ORC2: variants seen among roughly 807,000 people sequenced by gnomAD.
ORC2 encodes origin recognition complex subunit 2, also known as origin recognition complex protein 2 homolog.
In ORC2, 37 loss-of-function variants were observed where a neutral mutation model predicts 77.7. The observed-to-expected ratio is 0.48, with a 90% confidence interval of 0.37 to 0.63. ORC2 has a LOEUF of 0.63. Ranked by LOEUF, ORC2 falls within the 20% of genes least tolerant of loss-of-function variation. ORC2 has a pLI of 0.00. For missense variants in ORC2, 557 were observed against 661.9 expected, an observed-to-expected ratio of 0.84 and a Z score of 1.74; for synonymous variants, 201 against 229.5, an observed-to-expected ratio of 0.88 and a Z score of 1.12.
At chr2:200,911,931 C>G (rs1010867784) in intron 17 of ORC2, among the ~76,000 whole-genome samples, 5 of 152,162 alleles carry the variant, frequency 3.3e-5, no homozygotes, top group African/African-American at 9.7e-5. Flanking sequence ...TTGCTTAGAC[C>G]ATCAGGAATT....
At chr2:200,928,916 T>G (rs1384754241) in intron 11 of ORC2, among the ~76,000 whole-genome samples, 2 of 152,126 alleles carry the variant, frequency 1.3e-5, no homozygotes, top group African/African-American at 4.8e-5. Flanking sequence ...AAGGCCTTGT[T>G]AAGTCATACT....
rs72929026 is a variant in ORC2 at position 200,943,758 on chromosome 2, T to G, written c.329-981A>C. 2.7e-3 allele frequency among the ~76,000 whole-genome samples: 407 copies of G among 152,220 alleles called. 1 individual carries two copies. Among genetic ancestry groups the G allele is most frequent in the African/African-American group, 9.0e-3 (375 of 41,542 alleles). On this transcript the variant is annotated intron_variant, in intron 5 of 17. Coordinates refer to ENST00000234296, the MANE Select transcript of ORC2 (RefSeq NM_006190.5). ...AATCTCTACAAATGAATTGGCTGCT[T>G]CTTCTTCCTTAATCCCTTCGGTCTT...
In ORC2 at chr2:200,932,334, CT is replaced by C. The variant is rs869076427; in HGVS notation, c.808-887del. Among the ~76,000 whole-genome samples, 921 of 120,182 alleles carry C rather than the reference CT, an allele frequency of 7.7e-3. 1 individual carries two copies. Among genetic ancestry groups the C allele is most frequent in the African/African-American group, 0.022 (694 of 31,928 alleles). 78.8% of individuals were successfully genotyped at this position (120,182 alleles called of 152,430 possible). On this transcript the variant is annotated intron_variant, in intron 10 of 17. Coordinates refer to ENST00000234296, the MANE Select transcript of ORC2 (RefSeq NM_006190.5). ...CTCATGTATGTACTTTCATTTCAAACTTTTTTTTTTTTTTTTTTTTTTTGAG... is the reference window on the plus strand; with the variant it reads ...CTCATGTATGTACTTTCATTTCAAACTTTTTTTTTTTTTTTTTTTTTTGAG...
chr2:200,919,772 G>A (rs551118794), intron 15 of ORC2, among the ~76,000 whole-genome samples: 15 of 152,328 alleles, frequency 9.8e-5, no homozygotes, highest in African/African-American at 3.4e-4. Context: ...ATTATACAGT[G>A]ATGTTTAAGA....
chr2:200,912,970 A>G (rs530816708), intron 17 of ORC2, among the ~76,000 whole-genome samples: 8 of 152,356 alleles, frequency 5.3e-5, no homozygotes, highest in African/African-American at 1.9e-4. Context: ...TGCAATATCT[A>G]TGTAGTTAGT....
At chr2:200,927,759 AC>A (rs1354744069) in intron 11 of ORC2, among the ~76,000 whole-genome samples, 1 of 150,996 alleles carries the variant, frequency 6.6e-6, no homozygotes, top group Non-Finnish European at 1.5e-5. Flanking sequence ...GTGTAGTGGC[AC>A]CATCATAGCT....
chr2:200,950,439 C>T (rs961185015), intron 4 of ORC2, among the ~76,000 whole-genome samples: 12 of 152,194 alleles, frequency 7.9e-5, no homozygotes, highest in African/African-American at 2.9e-4. Context: ...TAGTATCCTA[C>T]TTTCTATCAC....
intron 1 of ORC2, among the ~76,000 whole-genome samples, chr2:200,961,892 G>T (rs921750054): frequency 6.6e-6 from 1 of 152,246 alleles, no homozygotes; most frequent in East Asian, 1.9e-4. Context: ...ATTGGCAAAA[G>T]TTTAGTTGTT....
intron 14 of ORC2, 33 bp downstream of exon 14, chr2:200,920,960 C>T (rs2040746551): frequency 6.8e-6 from 10 of 1,465,132 alleles, no homozygotes; most frequent in Non-Finnish European, 8.2e-6. Context: ...AGACTGATAT[C>T]TCTAGAAGGA....
chr2:200,911,237 C>G lies in ORC2; in HGVS notation c.*64G>C, dbSNP rs1324166545. On this transcript the variant is annotated 3_prime_UTR_variant, in exon 18 of 18. Transcript: ENST00000234296. The stretch of plus-strand genomic sequence containing the variant: ...ATGTCAGATGTAAACACAACACTTT[C>G]AACTAGAGGAGTGGCAGCTGGGGTA... 1 of 925,586 alleles carries G rather than the reference C, an allele frequency of 1.1e-6. No individual in the cohort carries two copies. The highest frequency in any genetic ancestry group is 1.6e-5 in the African/African-American group (1 of 60,844). 57.3% of individuals were successfully genotyped at this position (925,586 alleles called of 1,614,324 possible).
Position 200,963,550 on chromosome 2 carries a change from G to C in ORC2, c.-120C>G. 1 of 398,616 alleles carries C rather than the reference G, an allele frequency of 2.5e-6. No homozygotes were observed. The highest frequency in any genetic ancestry group is 4.4e-6 in the Non-Finnish European group (1 of 226,038). The allele number at this position is 398,616 out of a possible 1,614,324, so 24.7% of individuals were successfully genotyped here. ...CACGCCGGCCGAACGACACCCCGCT[G>C]AGTCGCCGCCGCAGGGAAGGTACCT... On this transcript the variant is annotated 5_prime_UTR_variant, in exon 1 of 18. Transcript: ENST00000234296.
At chr2:200,922,375 T>TAAA (rs777219779) in intron 13 of ORC2, among the ~76,000 whole-genome samples, 5 of 68,434 alleles carry the variant, frequency 7.3e-5, no homozygotes, top group African/African-American at 2.3e-4. Flanking sequence ...ATGAAATAGG[T>TAAA]AAAAAAAAAA....
intron 13 of ORC2, among the ~76,000 whole-genome samples, chr2:200,924,256 T>G (rs1362521031): frequency 6.6e-6 from 1 of 151,722 alleles, no homozygotes; most frequent in African/African-American, 2.4e-5. Context: ...CTGAGTTGGG[T>G]GGATCACTTG....
Position 200,911,212 on chromosome 2 carries a change from A to C in ORC2, c.*89T>G, listed in dbSNP as rs912963516. On this transcript the variant is annotated 3_prime_UTR_variant, in exon 18 of 18. Coordinates refer to ENST00000234296, the MANE Select transcript of ORC2 (RefSeq NM_006190.5). ...TCTTGTATGCTGGAAAAATAATTTA[A>C]TGTCAGATGTAAACACAACACTTTC... is the stretch of plus-strand genomic sequence containing the variant. 11 of 767,608 alleles carry C rather than the reference A, an allele frequency of 1.4e-5. No homozygotes were observed. In the African/African-American group the frequency reaches 1.9e-4, roughly 13 times the overall value. The allele number at this position is 767,608 out of a possible 1,614,324, so 47.5% of individuals were successfully genotyped here. A position where few individuals can be genotyped will look rare whatever the true frequency, so the allele number is the denominator to read the frequency against.
chr2:200,943,422 C>T (rs1403559482), intron 5 of ORC2, among the ~76,000 whole-genome samples: 1 of 151,480 alleles, frequency 6.6e-6, no homozygotes, highest in Non-Finnish European at 1.5e-5. Flanking sequence ...ATAATAGAGG[C>T]CATTTTAAAT....
At chr2:200,944,740 A>G (rs891936389) in intron 5 of ORC2, among the ~76,000 whole-genome samples, 3 of 152,004 alleles carry the variant, frequency 2.0e-5, no homozygotes, top group African/African-American at 7.3e-5. Context: ...GGGTCTTCCT[A>G]TGTTGCTCAG....
At chr2:200,929,452 A>T (rs1195763712) in intron 11 of ORC2, among the ~76,000 whole-genome samples, 1 of 152,160 alleles carries the variant, frequency 6.6e-6, no homozygotes, top group Admixed American at 6.5e-5. Flanking sequence ...AACCAGTAAG[A>T]GTTGGAGACT....
In ORC2 at chr2:200,910,312, C is replaced by G. The variant is rs956697987; in HGVS notation, c.*989G>C. On this transcript the variant is annotated 3_prime_UTR_variant, in exon 18 of 18. Transcript: ENST00000234296. Reference sequence around the variant, plus strand: ...CTTTTTTCTTTCCTAAGAAAAAAGTCTCGCGCAAATATTCAGGAGGTTTGA... The same window carrying G: ...CTTTTTTCTTTCCTAAGAAAAAAGTGTCGCGCAAATATTCAGGAGGTTTGA... The G allele has an allele frequency of 2.6e-5, 4 of 152,042 alleles. No homozygotes were observed. Among genetic ancestry groups the G allele is most frequent in the East Asian group, 3.9e-4 (2 of 5,162 alleles). 9.4% of individuals were successfully genotyped at this position (152,042 alleles called of 1,614,324 possible).
intron 4 of ORC2, among the ~76,000 whole-genome samples, chr2:200,954,883 G>GGAATGAAT (rs773669787): frequency 2.1e-5 from 3 of 143,690 alleles, no homozygotes; most frequent in Non-Finnish European, 4.5e-5. Context: ...CCCAGTGTGA[G>GGAATGAAT]GAATGAATGA....
Sources: allele counts gnomAD v4.1 joint callset (sites outside exome capture counted in the v4.1 genomes callset), GRCh38; gene constraint gnomAD v4.1.1; transcripts MANE v1.5; gene names NCBI Gene and HGNC (gene_info 2026-07-23, HGNC 2026-07-21).